PARD3B: variants seen among roughly 807,000 people sequenced by gnomAD.
PARD3B encodes partitioning defective 3 homolog B.
In PARD3B, 103 loss-of-function variants were observed where a neutral mutation model predicts 130.2. The observed-to-expected ratio is 0.79, with a 90% CI of 0.67 to 0.93. The LOEUF (loss-of-function observed/expected upper bound fraction) is 0.93. PARD3B is among the 40% of genes least tolerant of loss of function. The pLI is 0.00. For synonymous variants in PARD3B, 583 were observed against 553.2 expected, an observed-to-expected ratio of 1.05 and a Z score of -0.76; for missense variants, 1,609 against 1,499.2, an observed-to-expected ratio of 1.07 and a Z score of -1.21.
At chr2:204,642,012 A>AT in intron 1 of PARD3B, among the ~76,000 whole-genome samples, 1 of 152,352 alleles carries the variant, frequency 6.6e-6, no homozygotes, top group South Asian at 2.1e-4. Flanking sequence ...AGAAAAAAAA[A>AT]TAGCCTGGAG....
At position 204,713,333 on chromosome 2, in the gene PARD3B, A is replaced by G. The variant is rs558841671; in HGVS notation, c.222+27051A>G. On this transcript the variant is annotated intron_variant, in intron 2 of 22. Coordinates refer to ENST00000406610, the MANE Select transcript of PARD3B (RefSeq NM_001302769.2). ...AATGTTCTTAATGCCGCAAAACCGT[A>G]TACTGAAAAAATGGTAAATTTTATG... 7.4e-5 allele frequency among the ~76,000 whole-genome samples: 11 copies of G among 149,264 alleles called. No individual in the cohort carries two copies. The South Asian group carries it at 2.1e-3, about 28-fold the overall frequency.
At chr2:204,737,896 C>A (rs2039829523) in intron 2 of PARD3B, among the ~76,000 whole-genome samples, 1 of 152,090 alleles carries the variant, frequency 6.6e-6, no homozygotes, top group East Asian at 1.9e-4. Context: ...GGCTTTATTT[C>A]TGGGTTCTCT....
intron 21 of PARD3B, among the ~76,000 whole-genome samples, chr2:205,548,888 C>A (rs745325169): frequency 5.9e-5 from 9 of 151,848 alleles, no homozygotes; most frequent in Non-Finnish European, 1.3e-4. Context: ...AATGAAGTAT[C>A]CAAAATACAG....
intron 14 of PARD3B, among the ~76,000 whole-genome samples, chr2:205,190,426 T>C (rs913338393): frequency 2.6e-5 from 4 of 152,232 alleles, no homozygotes; most frequent in Non-Finnish European, 4.4e-5. Flanking sequence ...TATTATTGCA[T>C]GATGTGCACC....
rs893380973 is a variant in PARD3B at position 205,549,581 on chromosome 2, A to G, written c.3181-3743A>G. Among the ~76,000 whole-genome samples, 6 of 152,188 alleles carry G rather than the reference A, an allele frequency of 3.9e-5. 1 individual carries two copies. The highest frequency in any genetic ancestry group is 1.3e-4 in the Admixed American group (2 of 15,272). ...GATACCAACTATATGACACTCTGGA[A>G]TTGACTATGAAAAGAGTAAAAAGAT... On this transcript the variant is annotated intron_variant, in intron 21 of 22. Coordinates refer to ENST00000406610, the MANE Select transcript of PARD3B (RefSeq NM_001302769.2).
intron 2 of PARD3B, among the ~76,000 whole-genome samples, chr2:204,816,914 T>C (rs1458883537): frequency 6.6e-6 from 1 of 152,094 alleles, no homozygotes; most frequent in African/African-American, 2.4e-5. Flanking sequence ...GTATTTTCAA[T>C]TTTTAAAATT....
intron 2 of PARD3B, among the ~76,000 whole-genome samples, chr2:204,806,128 G>GAA (rs528362483): frequency 1.3e-5 from 2 of 148,674 alleles, no homozygotes; most frequent in South Asian, 2.2e-4. Context: ...AAAAAATAGG[G>GAA]AAAAAAAAAA....
intron 21 of PARD3B, among the ~76,000 whole-genome samples, chr2:205,508,822 A>G (rs2050477962): frequency 1.3e-5 from 2 of 152,232 alleles, no homozygotes; most frequent in Admixed American, 6.5e-5. Flanking sequence ...GGTTTTAGAA[A>G]GGCCTGAAGT....
intron 2 of PARD3B, among the ~76,000 whole-genome samples, chr2:204,729,229 A>T (rs1308847487): frequency 6.6e-6 from 1 of 152,222 alleles, no homozygotes; most frequent in Admixed American, 6.5e-5. Context: ...TGGATTATTG[A>T]AATAAAGAAA....
chr2:205,123,071 C>A (rs1412624946), intron 8 of PARD3B, among the ~76,000 whole-genome samples: 1 of 152,158 alleles, frequency 6.6e-6, no homozygotes, highest in Non-Finnish European at 1.5e-5. Flanking sequence ...AAAGATACGA[C>A]ATCACATCTG....
intron 3 of PARD3B, among the ~76,000 whole-genome samples, chr2:204,970,976 A>G (rs1691650630): frequency 1.3e-5 from 2 of 152,214 alleles, no homozygotes; most frequent in Non-Finnish European, 2.9e-5. Flanking sequence ...CAAAACCGAA[A>G]TGGAAATTAT....
chr2:205,479,446 A>G (rs187250529), intron 20 of PARD3B, among the ~76,000 whole-genome samples: 5 of 152,336 alleles, frequency 3.3e-5, no homozygotes, highest in African/African-American at 1.2e-4. Context: ...TATAAAACCT[A>G]TGAATGATCA....
At chr2:204,999,093 A>G (rs1694611465) in intron 3 of PARD3B, among the ~76,000 whole-genome samples, 1 of 151,510 alleles carries the variant, frequency 6.6e-6, no homozygotes, top group African/African-American at 2.4e-5. Flanking sequence ...CAGTTTGCTA[A>G]TGCTTTCTTA....
chr2:205,001,429 C>T (rs1031219724), intron 3 of PARD3B, among the ~76,000 whole-genome samples: 1 of 152,162 alleles, frequency 6.6e-6, no homozygotes, highest in Non-Finnish European at 1.5e-5. Context: ...TCTTGGTAAC[C>T]AAATACAACA....
chr2:205,088,586 C>G (rs7566341), intron 4 of PARD3B, among the ~76,000 whole-genome samples: 20,010 of 152,000 alleles, frequency 0.13, 2,014 homozygotes, highest in African/African-American at 0.28. Context: ...CAACCCTCAA[C>G]TTTCACTATG....
intron 1 of PARD3B, among the ~76,000 whole-genome samples, chr2:204,561,381 G>A (rs543640679): frequency 1.3e-5 from 2 of 152,250 alleles, no homozygotes; most frequent in East Asian, 1.9e-4. Flanking sequence ...CTCCGGACCC[G>A]CTCTTGTCCC....
intron 1 of PARD3B, among the ~76,000 whole-genome samples, chr2:204,650,870 A>G (rs1318034225): frequency 2.0e-5 from 3 of 146,408 alleles, no homozygotes; most frequent in Non-Finnish European, 4.4e-5. Flanking sequence ...AGGCAAGCAT[A>G]TCTTACCATG....
rs1183995762 is a variant in PARD3B, at chr2:205,011,972, G to A, written c.395-35609G>A. 6.6e-6 allele frequency among the ~76,000 whole-genome samples: 1 copy of A among 152,144 alleles called. No individual in the cohort carries two copies. The highest frequency in any genetic ancestry group is 2.4e-5 in the African/African-American group (1 of 41,434). On this transcript the variant is annotated intron_variant, in intron 3 of 22. Coordinates refer to ENST00000406610, the MANE Select transcript of PARD3B (RefSeq NM_001302769.2). The surrounding 1 kb of genome is among the most constrained non-coding windows in gnomAD (Gnocchi z 4.1). ...AGGAATGGAAATGGGCCAAGGCCTC[G>A]TTGGGCATTTTACAGGCTTTCTACC...
chr2:204,593,904 A>G lies in PARD3B; in HGVS notation c.120+47785A>G, dbSNP rs373356918. The stretch of plus-strand genomic sequence containing the variant: ...CTCTGAGGGTTTTAGTGTGAAAACA[A>G]CCTTACTGAAAATGTACACTAAGGA... On this transcript the variant is annotated intron_variant, in intron 1 of 22. Coordinates refer to ENST00000406610, the MANE Select transcript of PARD3B (RefSeq NM_001302769.2). Among the ~76,000 whole-genome samples the G allele has an allele frequency of 5.3e-4, 81 of 152,296 alleles. 1 individual carries two copies. In the South Asian group the frequency reaches 0.016, roughly 31 times the overall value.
Sources: gnomAD v4.1 joint callset for allele counts (sites outside exome capture counted in the v4.1 genomes callset) on GRCh38, gnomAD v4.1.1 for gene constraint, Gnocchi (gnomAD v3.1) non-coding constraint, MANE v1.5 for transcripts, NCBI Gene and HGNC (gene_info 2026-07-23, HGNC 2026-07-21) for gene names.